Variants in BCAS4 observed in about 807,000 individuals in gnomAD.
BCAS4 encodes the protein breast carcinoma amplified sequence 4, also known as breast carcinoma-amplified sequence 4.
In BCAS4, 9 loss-of-function variants were observed where a neutral mutation model predicts 15.7. The ratio of observed to expected loss-of-function variants is 0.57; its 90% confidence interval spans 0.34 to 1.00. BCAS4 has a LOEUF of 1.00. Among genes scored for constraint, BCAS4 ranks in the 50% least tolerant of loss-of-function variants. The pLI, the probability that BCAS4 is intolerant of heterozygous loss-of-function variation, is 0.02. For synonymous variants in BCAS4, 101 were observed against 99.5 expected, an observed-to-expected ratio of 1.02 and a Z score of -0.09; for missense variants, 225 against 239.1, an observed-to-expected ratio of 0.94 and a Z score of 0.39.
At chr20:50,860,757 T>C (rs1019728444) in intron 4 of BCAS4, among the ~76,000 whole-genome samples, 1 of 152,064 alleles carries the variant, frequency 6.6e-6, no homozygotes, top group African/African-American at 2.4e-5. Flanking sequence ...ACACCTGCAA[T>C]CCCAGCTACT....
intron 4 of BCAS4, among the ~76,000 whole-genome samples, chr20:50,845,396 G>A (rs1433654097): frequency 6.6e-6 from 1 of 152,166 alleles, no homozygotes; most frequent in East Asian, 1.9e-4. Flanking sequence ...TCCCCTCAGC[G>A]CCTCCTCCCC....
intron 3 of BCAS4, among the ~76,000 whole-genome samples, chr20:50,831,843 T>A (rs2088347529): frequency 6.6e-6 from 1 of 152,120 alleles, no homozygotes; most frequent in Non-Finnish European, 1.5e-5. Context: ...CCTCCCAAGC[T>A]GCAGAGGGAG....
chr20:50,877,734 A>C (rs1215101924), downstream of BCAS4: 2 of 152,284 alleles, frequency 1.3e-5, no homozygotes, highest in Admixed American at 6.5e-5. Flanking sequence ...ACACCCCAAA[A>C]AAGTTTTTCA....
rs924987830 is a variant in BCAS4 at position 50,851,354 on chromosome 20, G to T, written c.399+9454G>T. Among the ~76,000 whole-genome samples the T allele has an allele frequency of 6.6e-6, 1 of 152,054 alleles. No individual in the cohort carries two copies. Among genetic ancestry groups the T allele is most frequent in the Non-Finnish European group, 1.5e-5 (1 of 67,992 alleles). ...GCCGGGTCCCAGCCCCCACCTACCA[G>T]CCCCCTCCCCACGGCTCCCAGGGAC... On this transcript the variant is annotated intron_variant, in intron 4 of 4. Coordinates refer to ENST00000371608, the MANE Select transcript of BCAS4 (RefSeq NM_198799.4). The surrounding 1 kb of genome is among the most constrained non-coding windows in gnomAD (Gnocchi z 4.3).
intron 4 of BCAS4, among the ~76,000 whole-genome samples, chr20:50,874,321 G>C (rs1254089932): frequency 6.6e-6 from 1 of 152,126 alleles, no homozygotes; most frequent in Non-Finnish European, 1.5e-5. Context: ...CCTCGGCCTG[G>C]AACACCGGCC....
At chr20:50,802,350 C>T (rs187558336) in intron 1 of BCAS4, among the ~76,000 whole-genome samples, 12 of 152,262 alleles carry the variant, frequency 7.9e-5, no homozygotes, top group Admixed American at 5.2e-4. Context: ...CAGAACCTTC[C>T]GGGGCATGAG....
chr20:50,806,163 G>A (rs1467033379), intron 1 of BCAS4, among the ~76,000 whole-genome samples: 1 of 152,282 alleles, frequency 6.6e-6, no homozygotes, highest in South Asian at 2.1e-4. Flanking sequence ...CGACTTACTA[G>A]ACTTCCTTAG....
chr20:50,879,068 T>C (rs1489562888), downstream of BCAS4: 2 of 152,282 alleles, frequency 1.3e-5, no homozygotes, highest in African/African-American at 4.8e-5. Flanking sequence ...CTCTTGTCTC[T>C]GGCCTCACCG....
At chr20:50,850,558 A>G (rs1438817077) in intron 4 of BCAS4, among the ~76,000 whole-genome samples, 1 of 152,218 alleles carries the variant, frequency 6.6e-6, no homozygotes, top group African/African-American at 2.4e-5. Flanking sequence ...AGCAAATTTC[A>G]TGTGAGATTT....
intron 1 of BCAS4, among the ~76,000 whole-genome samples, chr20:50,813,705 A>G (rs1193789719): frequency 1.5e-5 from 1 of 67,546 alleles, no homozygotes; most frequent in Admixed American, 2.2e-4. Flanking sequence ...TTTTTGTGCC[A>G]GCCCCTTGGT....
At chr20:50,823,220 G>C (rs186909649) in intron 2 of BCAS4, among the ~76,000 whole-genome samples, 9 of 151,958 alleles carry the variant, frequency 5.9e-5, no homozygotes, top group African/African-American at 1.9e-4. Context: ...TACACCTGTA[G>C]TACCAGCTAC....
chr20:50,859,264 C>A (rs955052986), intron 4 of BCAS4, among the ~76,000 whole-genome samples: 2 of 152,194 alleles, frequency 1.3e-5, no homozygotes, highest in African/African-American at 2.4e-5. Flanking sequence ...ATTTTTGATT[C>A]ATGTTGGTTG....
At chr20:50,862,619 G>A (rs1979143356) in intron 4 of BCAS4, among the ~76,000 whole-genome samples, 1 of 152,178 alleles carries the variant, frequency 6.6e-6, no homozygotes, top group African/African-American at 2.4e-5. Context: ...AGGCTGCCAG[G>A]GCTCCCTGGA....
At chr20:50,858,016 A>G (rs995418241) in intron 4 of BCAS4, among the ~76,000 whole-genome samples, 1 of 151,924 alleles carries the variant, frequency 6.6e-6, no homozygotes, top group Non-Finnish European at 1.5e-5. Flanking sequence ...GTCCCCTCTT[A>G]GCCTGCTTGT....
chr20:50,876,275 A>G (rs1979935292), intron 4 of BCAS4, among the ~76,000 whole-genome samples: 1 of 152,118 alleles, frequency 6.6e-6, no homozygotes, highest in Non-Finnish European at 1.5e-5. Context: ...TGATGCCTAC[A>G]GAGTATTCCA....
chr20:50,852,331 G>A (rs1273824820), intron 4 of BCAS4, among the ~76,000 whole-genome samples: 1 of 152,170 alleles, frequency 6.6e-6, no homozygotes, highest in Non-Finnish European at 1.5e-5. Context: ...CTGGAACAGA[G>A]ACCAGAGTGG....
At chr20:50,797,668 AT>A (rs891581623) in intron 1 of BCAS4, among the ~76,000 whole-genome samples, 1 of 151,930 alleles carries the variant, frequency 6.6e-6, no homozygotes, top group African/African-American at 2.4e-5. Flanking sequence ...TACCTATGCA[AT>A]TTTTTTTGTT....
chr20:50,797,032 C>G (rs1395926174), intron 1 of BCAS4, among the ~76,000 whole-genome samples: 1 of 151,854 alleles, frequency 6.6e-6, no homozygotes, highest in African/African-American at 2.4e-5. Flanking sequence ...GAGACGAGAT[C>G]TCACTATGTT....
chr20:50,859,715 C>T (rs562748799), intron 4 of BCAS4, among the ~76,000 whole-genome samples: 6 of 152,136 alleles, frequency 3.9e-5, no homozygotes, highest in East Asian at 1.9e-4. Flanking sequence ...GTCCAGGAGA[C>T]GTGCTGGTGG....
Sources: allele counts gnomAD v4.1 joint callset (sites outside exome capture counted in the v4.1 genomes callset), GRCh38; gene constraint gnomAD v4.1.1; non-coding constraint Gnocchi (gnomAD v3.1); transcripts MANE v1.5; gene names NCBI Gene and HGNC (gene_info 2026-07-23, HGNC 2026-07-21).